DDX60L: variants seen among roughly 807,000 people sequenced by gnomAD.
The protein encoded by DDX60L is DExD/H-box 60 like, also known as probable ATP-dependent RNA helicase DDX60-like.
In DDX60L, 191 loss-of-function variants were observed where a neutral mutation model predicts 211.6. The ratio of observed to expected loss-of-function variants is 0.90; its 90% confidence interval spans 0.80 to 1.02. DDX60L has a LOEUF of 1.02. Ranked by LOEUF, DDX60L falls within the 50% of genes least tolerant of loss-of-function variation. The pLI, the probability that DDX60L is intolerant of heterozygous loss-of-function variation, is 0.00. For synonymous variants in DDX60L, 706 were observed against 694.1 expected (o/e 1.02, Z -0.27); for missense variants, 2,007 against 1,984.1 (o/e 1.01, Z -0.22).
intron 1 of DDX60L, among the ~76,000 whole-genome samples, chr4:168,478,756 A>G (rs1356137313): frequency 6.6e-6 from 1 of 152,268 alleles, no homozygotes; most frequent in African/African-American, 2.4e-5. Flanking sequence ...AAAGTAGATA[A>G]AACAAAAGAC....
chr4:168,455,454 A>G (rs1395613468), intron 7 of DDX60L, among the ~76,000 whole-genome samples: 1 of 152,166 alleles, frequency 6.6e-6, no homozygotes, highest in Non-Finnish European at 1.5e-5. Context: ...TGTTCTTTTA[A>G]ATACACAACT....
intron 25 of DDX60L, 75 bp downstream of exon 25, chr4:168,403,907 G>A (rs1579413113): frequency 2.3e-6 from 2 of 877,740 alleles, no homozygotes; most frequent in South Asian, 3.0e-5. Context: ...ATATATAAAT[G>A]AGACTAATTG....
rs1475000150 is a variant in DDX60L, at chr4:168,445,177, T to C, written c.1138+3461A>G. Among the ~76,000 whole-genome samples the C allele has an allele frequency of 4.4e-3, 597 of 134,162 alleles. 1 individual carries two copies. Among genetic ancestry groups the C allele is most frequent in the African/African-American group, 0.015 (564 of 37,062 alleles). 88.0% of individuals were successfully genotyped at this position (134,162 alleles called of 152,430 possible). On this transcript the variant is annotated intron_variant, in intron 9 of 37. Coordinates refer to ENST00000682922, the MANE Select transcript of DDX60L (RefSeq NM_001012967.3). ...AGAGAGAAGAATCAAATAGACGCAA[T>C]AAAAAATGATAAAGGGGATATCACC...
intron 4 of DDX60L, chr4:168,469,060 AAT>A (rs1758391421): frequency 6.6e-6 from 1 of 152,230 alleles, no homozygotes; most frequent in Admixed American, 6.5e-5. Context: ...GTTCTTTTTA[AAT>A]AGAAATTGGC....
At chr4:168,430,043 C>T (rs1752106977) in intron 13 of DDX60L, among the ~76,000 whole-genome samples, 1 of 152,034 alleles carries the variant, frequency 6.6e-6, no homozygotes, top group Admixed American at 6.6e-5. Flanking sequence ...ACTAAAAATA[C>T]CAAGAATTAG....
intron 14 of DDX60L, among the ~76,000 whole-genome samples, chr4:168,424,011 T>C (rs1055634027): frequency 4.6e-5 from 7 of 152,212 alleles, no homozygotes; most frequent in East Asian, 1.9e-4. Flanking sequence ...TGGGTAAGTA[T>C]AGGCAAAAAA....
chr4:168,477,216 C>A (rs973233583), intron 1 of DDX60L, among the ~76,000 whole-genome samples: 1 of 152,060 alleles, frequency 6.6e-6, no homozygotes, highest in South Asian at 2.1e-4. Context: ...GAGATCGAGA[C>A]CATCCTGGCT....
intron 23 of DDX60L, 43 bp from the exon 24 acceptor site, chr4:168,406,121 T>C (rs1747710152): frequency 6.4e-7 from 1 of 1,556,028 alleles, no homozygotes; most frequent in South Asian, 1.2e-5. Context: ...AGCTATGCAA[T>C]CTATAGTAAG....
intron 36 of DDX60L, among the ~76,000 whole-genome samples, chr4:168,368,121 G>A (rs1051932823): frequency 2.0e-5 from 3 of 152,224 alleles, no homozygotes; most frequent in African/African-American, 7.2e-5. Context: ...AGACAACGGG[G>A]TAAATGTCTC....
At chr4:168,373,433 T>A (rs1427431409) in intron 35 of DDX60L, among the ~76,000 whole-genome samples, 1 of 151,786 alleles carries the variant, frequency 6.6e-6, no homozygotes, top group Non-Finnish European at 1.5e-5. Context: ...TTTAAAAAAA[T>A]GAGAAAAAAC....
intron 4 of DDX60L, among the ~76,000 whole-genome samples, chr4:168,463,186 T>C (rs939994267): frequency 4.6e-5 from 7 of 152,226 alleles, no homozygotes; most frequent in Non-Finnish European, 8.8e-5. Context: ...TGCACGCATA[T>C]GTTCACCGCA....
At chr4:168,406,366 G>T (rs1747746162) in intron 23 of DDX60L, among the ~76,000 whole-genome samples, 1 of 152,206 alleles carries the variant, frequency 6.6e-6, no homozygotes, top group Middle Eastern at 3.4e-3. Context: ...AAGTAGTATG[G>T]TATCCCAAAA....
At chr4:168,407,908 T>C (rs969510171) in intron 22 of DDX60L, among the ~76,000 whole-genome samples, 7 of 152,242 alleles carry the variant, frequency 4.6e-5, no homozygotes, top group Non-Finnish European at 7.3e-5. Context: ...GAGGTTAATA[T>C]AGCAAGGTTT....
At chr4:168,406,416 C>T (rs1484069892) in intron 23 of DDX60L, among the ~76,000 whole-genome samples, 186 bp downstream of exon 23, 1 of 152,132 alleles carries the variant, frequency 6.6e-6, no homozygotes, top group East Asian at 1.9e-4. Context: ...CAGAATATTC[C>T]ATGCTACGTA....
chr4:168,441,360 C>G lies in DDX60L; in HGVS notation c.1271G>C (p.Arg424Thr). The G allele has an allele frequency of 1.2e-6, 2 of 1,609,144 alleles. No individual in the cohort carries two copies. Among genetic ancestry groups the G allele is most frequent in the East Asian group, 2.2e-5 (1 of 44,676 alleles). ...ACCTTGAATGACCGATTTCTCTTGT[C>G]TAAGAAAATGTCTTCTTGTTGTTCT... is the stretch of plus-strand genomic sequence containing the variant. ...PLRTTRRHFL[R>T]QEKSVIQEIS... The change falls in exon 10 of 38, where the codon AGA becomes ACA. Residue 424 changes from arginine to threonine, a missense_variant. By Grantham distance (71) the Arg-to-Thr change is moderately conservative. Coordinates refer to ENST00000682922, the MANE Select transcript of DDX60L (RefSeq NM_001012967.3).
chr4:168,433,201 CATA>C (rs1490440309), intron 10 of DDX60L, 86 bp from the exon 11 acceptor site: 2 of 903,346 alleles, frequency 2.2e-6, no homozygotes, highest in Non-Finnish European at 1.7e-6. Flanking sequence ...ATTTCAAATG[CATA>C]ATATTTTACA....
In DDX60L at chr4:168,442,619, A is replaced by G. The variant is rs1256714837; in HGVS notation, c.1139-1127T>C. On this transcript the variant is annotated intron_variant, in intron 9 of 37. Transcript: ENST00000682922. ...GCAGCAGTAACCTCTGCAGACTTAA[A>G]TGTCCCTGTCTGACAGCTTTGAAGA... 3.9e-5 allele frequency among the ~76,000 whole-genome samples: 6 copies of G among 152,158 alleles called. No individual in the cohort carries two copies. The South Asian group carries it at 6.2e-4, about 16-fold the overall frequency.
At chr4:168,479,298 T>C (rs1367938178) in intron 1 of DDX60L, among the ~76,000 whole-genome samples, 1 of 152,246 alleles carries the variant, frequency 6.6e-6, no homozygotes, top group Non-Finnish European at 1.5e-5. Flanking sequence ...TCATTTATTT[T>C]AGTACCCTCA....
At chr4:168,432,678 G>A (rs139898067) in intron 11 of DDX60L, 108 bp from the exon 12 acceptor site, 9 of 609,716 alleles carry the variant, frequency 1.5e-5, no homozygotes, top group South Asian at 1.0e-4. Context: ...CTATTTGTGT[G>A]ATATAATGTG....
Sources: gnomAD v4.1 joint callset for allele counts (sites outside exome capture counted in the v4.1 genomes callset) on GRCh38, gnomAD v4.1.1 for gene constraint, MANE v1.5 for transcripts, NCBI Gene and HGNC (gene_info 2026-07-23, HGNC 2026-07-21) for gene names.